The following UBXN7 variants were observed in gnomAD, a reference collection of about 807,000 sequenced individuals.
UBXN7 encodes the protein UBX domain protein 7.
A neutral mutation model predicts 58.0 loss-of-function variants in UBXN7; 9 were observed. The observed-to-expected ratio is 0.16, with a 90% CI of 0.09 to 0.27. The LOEUF is 0.27. UBXN7 is among the 10% of genes least tolerant of loss of function. The probability of loss-of-function intolerance (pLI) is 1.00; values close to 1 mark genes in which losing one functional copy is unlikely to be tolerated. For missense variants in UBXN7, 328 were observed against 599.6 expected (o/e 0.55, Z 4.73); for synonymous variants, 208 against 205.0 (o/e 1.01, Z -0.12).
intron 8 of UBXN7, among the ~76,000 whole-genome samples, chr3:196,365,040 T>C (rs6774540): frequency 0.51 from 77,691 of 151,908 alleles, 20,378 homozygotes; most frequent in East Asian, 0.88. Context: ...CAGGCTCCTA[T>C]TGAATTTCAT....
chr3:196,361,490 A>G (rs1185126637), intron 10 of UBXN7, among the ~76,000 whole-genome samples: 3 of 152,164 alleles, frequency 2.0e-5, no homozygotes, highest in Non-Finnish European at 4.4e-5. Context: ...ACGGCAGCAC[A>G]TGCTACAGAG....
chr3:196,389,377 G>A (rs1426782254), intron 5 of UBXN7, among the ~76,000 whole-genome samples: 1 of 152,174 alleles, frequency 6.6e-6, no homozygotes, highest in Non-Finnish European at 1.5e-5. Flanking sequence ...AGAAAGCATT[G>A]TTTGGTCAAA....
At chr3:196,375,329 T>G (rs1420500964) in intron 5 of UBXN7, among the ~76,000 whole-genome samples, 1 of 150,014 alleles carries the variant, frequency 6.7e-6, no homozygotes, top group East Asian at 2.1e-4. Flanking sequence ...CTTAAATATG[T>G]ACAGTAGTCT....
At chr3:196,404,268 T>C (rs956361954) in intron 2 of UBXN7, among the ~76,000 whole-genome samples, 1 of 149,386 alleles carries the variant, frequency 6.7e-6, no homozygotes, top group African/African-American at 2.5e-5. Flanking sequence ...ATGGTTTTTT[T>C]TTTTTTTTTT....
At chr3:196,405,488 G>GA (rs1158068897) in intron 2 of UBXN7, among the ~76,000 whole-genome samples, 2 of 142,964 alleles carry the variant, frequency 1.4e-5, no homozygotes, top group African/African-American at 2.6e-5. Context: ...AAAAAGAAAA[G>GA]AAAAAAAAAG....
At chr3:196,391,977 TGAA>T in intron 4 of UBXN7, 52 bp from the exon 5 acceptor site, 5 of 318,030 alleles carry the variant, frequency 1.6e-5, no homozygotes, top group East Asian at 8.5e-5. Flanking sequence ...TGAATCACAC[TGAA>T]AAAAAAAAAA....
At chr3:196,411,285 C>T (rs755018522) in intron 1 of UBXN7, among the ~76,000 whole-genome samples, 4 of 152,188 alleles carry the variant, frequency 2.6e-5, no homozygotes, top group Non-Finnish European at 4.4e-5. Context: ...TTAGTGATAT[C>T]TCATAGTACT....
At position 196,352,921 on chromosome 3, in the gene UBXN7, T is replaced by A. The variant is rs1403592230; in HGVS notation, c.*3764A>T. 6.6e-6 allele frequency: 1 copy of A among 152,010 alleles called. No homozygotes were observed. Among genetic ancestry groups the A allele is most frequent in the Non-Finnish European group, 1.5e-5 (1 of 67,982 alleles). The allele number at this position is 152,010 out of a possible 1,614,324, so 9.4% of individuals were successfully genotyped here. A position where few individuals can be genotyped will look rare whatever the true frequency, so the allele number is the denominator to read the frequency against. ...GAAAAATGTTTAAAAAAAGAAAAAA[T>A]TGTTTTTTTACCCTTTTCATTTATT... is the stretch of plus-strand genomic sequence containing the variant. On this transcript the variant is annotated 3_prime_UTR_variant, in exon 11 of 11. Transcript: ENST00000296328. The surrounding 1 kb of genome is among the most constrained non-coding windows in gnomAD (Gnocchi z 4.1).
At chr3:196,406,389 T>C (rs1278240308) in intron 2 of UBXN7, among the ~76,000 whole-genome samples, 2 of 151,866 alleles carry the variant, frequency 1.3e-5, no homozygotes, top group South Asian at 2.1e-4. Context: ...TTGAGCTATA[T>C]TGGGAGCGAA....
chr3:196,388,402 C>A (rs755987685), intron 5 of UBXN7, among the ~76,000 whole-genome samples: 22 of 151,664 alleles, frequency 1.5e-4, no homozygotes, highest in Admixed American at 3.3e-4. Context: ...ACCTATGTAT[C>A]AAACCTGCAT....
intron 5 of UBXN7, among the ~76,000 whole-genome samples, chr3:196,390,005 A>G (rs1048210222): frequency 6.6e-6 from 1 of 152,058 alleles, no homozygotes; most frequent in Non-Finnish European, 1.5e-5. Context: ...ATCACTTGAC[A>G]CCAGGAATTT....
chr3:196,419,369 T>C (rs1577477718), intron 1 of UBXN7, among the ~76,000 whole-genome samples: 1 of 152,180 alleles, frequency 6.6e-6, no homozygotes. Context: ...GTCAGGATAG[T>C]GAACTGCAAG....
chr3:196,396,668 C>A (rs1326892679), intron 3 of UBXN7, among the ~76,000 whole-genome samples: 1 of 152,026 alleles, frequency 6.6e-6, no homozygotes, highest in African/African-American at 2.4e-5. Context: ...GAGGCTGAGG[C>A]AGGAGAACAG....
chr3:196,400,251 A>G (rs570862368), intron 3 of UBXN7: 1 of 152,248 alleles, frequency 6.6e-6, no homozygotes, highest in Admixed American at 6.5e-5. Flanking sequence ...AAGTTGTTTT[A>G]ACTTTACAGA....
At chr3:196,367,652 T>A (rs1728707927) in intron 8 of UBXN7, among the ~76,000 whole-genome samples, 1 of 152,284 alleles carries the variant, frequency 6.6e-6, no homozygotes, top group East Asian at 1.9e-4. Context: ...CACTGCTATT[T>A]AGACCTGGAT....
At chr3:196,396,538 GGA>G (rs1426666629) in intron 3 of UBXN7, among the ~76,000 whole-genome samples, 10 of 152,142 alleles carry the variant, frequency 6.6e-5, no homozygotes, top group Non-Finnish European at 1.3e-4. Flanking sequence ...CGAGGTGGGT[GGA>G]TCACGAGGTC....
chr3:196,389,245 G>A (rs1577454091), intron 5 of UBXN7, among the ~76,000 whole-genome samples: 1 of 152,152 alleles, frequency 6.6e-6, no homozygotes, highest in Non-Finnish European at 1.5e-5. Flanking sequence ...AGGATAGGCA[G>A]CTGCCATGTT....
intron 1 of UBXN7, chr3:196,416,095 C>A (rs1730474058): frequency 6.6e-6 from 1 of 152,236 alleles, no homozygotes; most frequent in Non-Finnish European, 1.5e-5. Flanking sequence ...TCTGCCATAA[C>A]AGCAACCAAT....
At chr3:196,376,281 G>T (rs1009423964) in intron 5 of UBXN7, among the ~76,000 whole-genome samples, 1 of 151,910 alleles carries the variant, frequency 6.6e-6, no homozygotes, top group Non-Finnish European at 1.5e-5. Context: ...AGTGGCTCTT[G>T]CCTGTAATCA....
Sources: gnomAD v4.1 joint callset for allele counts (sites outside exome capture counted in the v4.1 genomes callset) on GRCh38, gnomAD v4.1.1 for gene constraint, Gnocchi (gnomAD v3.1) non-coding constraint, MANE v1.5 for transcripts, NCBI Gene and HGNC (gene_info 2026-07-23, HGNC 2026-07-21) for gene names.